DLGAP1: variants seen among roughly 807,000 people sequenced by gnomAD.
The protein encoded by DLGAP1 is DLG associated protein 1.
In DLGAP1, 11 loss-of-function variants were observed where a neutral mutation model predicts 90.8. The ratio of observed to expected loss-of-function variants is 0.12; its 90% CI spans 0.08 to 0.20. The LOEUF (loss-of-function observed/expected upper bound fraction) is 0.20, where lower values mean the gene tolerates loss of function less well. Ranked by LOEUF, DLGAP1 falls within the 10% of genes least tolerant of loss-of-function variation. The pLI is 1.00. For synonymous variants in DLGAP1, 558 were observed against 540.7 expected (o/e 1.03, Z -0.44); for missense variants, 1,050 against 1,333.8 (o/e 0.79, Z 3.31).
intron 7 of DLGAP1, chr18:3,593,585 T>G (rs1209640079): frequency 2.0e-5 from 3 of 152,098 alleles, no homozygotes; most frequent in Non-Finnish European, 2.9e-5. Context: ...CTTGTGTGTG[T>G]GTGTAAGGGG....
At chr18:4,203,342 T>C (rs2077648703) in intron 1 of DLGAP1, among the ~76,000 whole-genome samples, 1 of 152,122 alleles carries the variant, frequency 6.6e-6, no homozygotes. Flanking sequence ...TACTCTCTAG[T>C]TGCAAGAATG....
intron 1 of DLGAP1, among the ~76,000 whole-genome samples, chr18:4,444,151 G>A (rs1282333652): frequency 1.3e-5 from 2 of 152,200 alleles, no homozygotes; most frequent in African/African-American, 4.8e-5. Flanking sequence ...CTAACTTAGA[G>A]CCCACTGTGA....
intron 1 of DLGAP1, among the ~76,000 whole-genome samples, chr18:4,204,360 A>G (rs944523800): frequency 6.6e-6 from 1 of 152,230 alleles, no homozygotes. Flanking sequence ...AAAAGGTGGG[A>G]ATCTTGCCAA....
chr18:3,609,534 C>G (rs571001517), intron 7 of DLGAP1, among the ~76,000 whole-genome samples: 5 of 152,294 alleles, frequency 3.3e-5, no homozygotes, highest in Admixed American at 2.0e-4. Flanking sequence ...TCCTGACCTG[C>G]CAGTTACAAG....
At chr18:4,094,190 CAA>C (rs2075634396) in intron 2 of DLGAP1, among the ~76,000 whole-genome samples, 1 of 152,058 alleles carries the variant, frequency 6.6e-6, no homozygotes, top group Non-Finnish European at 1.5e-5. Context: ...GACATTAATT[CAA>C]AGAGATTTTT....
At chr18:4,439,552 TC>T (rs1267254913) in intron 1 of DLGAP1, among the ~76,000 whole-genome samples, 1 of 152,128 alleles carries the variant, frequency 6.6e-6, no homozygotes, top group Non-Finnish European at 1.5e-5. Flanking sequence ...ATGCCTGTAA[TC>T]CCAGAATTTT....
At chr18:3,900,008 A>G (rs2071746800) in intron 3 of DLGAP1, among the ~76,000 whole-genome samples, 1 of 152,262 alleles carries the variant, frequency 6.6e-6, no homozygotes, top group East Asian at 1.9e-4. Context: ...AACAAAACCA[A>G]AAACAAACAA....
chr18:3,508,907 G>A (rs150239405), intron 10 of DLGAP1, among the ~76,000 whole-genome samples: 9 of 151,940 alleles, frequency 5.9e-5, no homozygotes, highest in African/African-American at 2.2e-4. Flanking sequence ...CATATTTCTT[G>A]GGAGCAATGG....
chr18:3,870,474 G>A (rs181186496), intron 4 of DLGAP1, among the ~76,000 whole-genome samples: 28 of 152,154 alleles, frequency 1.8e-4, no homozygotes, highest in African/African-American at 6.3e-4. Flanking sequence ...AGCTTTTAGC[G>A]TATGTATCCT....
At chr18:3,636,018 G>C (rs2058701434) in intron 7 of DLGAP1, among the ~76,000 whole-genome samples, 1 of 151,486 alleles carries the variant, frequency 6.6e-6, no homozygotes, top group Non-Finnish European at 1.5e-5. Flanking sequence ...TCCTTGAGGG[G>C]ATTTTGACAG....
At chr18:3,582,931 T>C (rs1411424275) in intron 7 of DLGAP1, among the ~76,000 whole-genome samples, 2 of 148,792 alleles carry the variant, frequency 1.3e-5, no homozygotes, top group Admixed American at 1.4e-4. Context: ...AAAATATTTT[T>C]AAAAAATAGA....
intron 4 of DLGAP1, among the ~76,000 whole-genome samples, chr18:3,822,388 C>T (rs1366576697): frequency 6.6e-6 from 1 of 152,146 alleles, no homozygotes; most frequent in Non-Finnish European, 1.5e-5. Context: ...ACAGTATCTG[C>T]AGGGTACCCA....
intron 3 of DLGAP1, among the ~76,000 whole-genome samples, chr18:3,954,485 T>C (rs2073047212): frequency 6.6e-6 from 1 of 152,240 alleles, no homozygotes; most frequent in African/African-American, 2.4e-5. Context: ...ATATTTTTAC[T>C]AGTAAGTAAA....
intron 4 of DLGAP1, among the ~76,000 whole-genome samples, chr18:3,828,595 A>G (rs2067853314): frequency 7.1e-6 from 1 of 140,724 alleles, no homozygotes; most frequent in Non-Finnish European, 1.5e-5. Flanking sequence ...AGTTGTGATC[A>G]GGCCACTGCA....
At chr18:3,870,641 TATCTATCTATCA>T (rs2070695708) in intron 4 of DLGAP1, among the ~76,000 whole-genome samples, 1 of 151,524 alleles carries the variant, frequency 6.6e-6, no homozygotes, top group Admixed American at 6.6e-5. Context: ...TCTATCTATC[TATCTATCTATCA>T]AATAAAGTTT....
intron 2 of DLGAP1, among the ~76,000 whole-genome samples, chr18:4,010,513 G>A (rs924386954): frequency 7.2e-5 from 11 of 152,176 alleles, no homozygotes; most frequent in East Asian, 1.9e-4. Context: ...GCGTCACTGC[G>A]CTCCAGCCTG....
intron 1 of DLGAP1, among the ~76,000 whole-genome samples, chr18:4,304,839 G>A (rs1282447627): frequency 6.6e-6 from 1 of 151,926 alleles, no homozygotes; most frequent in Non-Finnish European, 1.5e-5. Context: ...GCTGAGGCAG[G>A]AGAATCGCTT....
chr18:3,987,526 T>A (rs1249956002), intron 3 of DLGAP1, among the ~76,000 whole-genome samples: 2 of 152,230 alleles, frequency 1.3e-5, no homozygotes, highest in African/African-American at 2.4e-5. Flanking sequence ...TCGTTCCAAG[T>A]GCTTTGCGTA....
intron 7 of DLGAP1, among the ~76,000 whole-genome samples, chr18:3,613,054 T>C (rs2057705916): frequency 6.6e-6 from 1 of 152,132 alleles, no homozygotes; most frequent in South Asian, 2.1e-4. Context: ...TGTTGGTTAG[T>C]CTTGAACTCC....
Sources: gnomAD v4.1 joint callset for allele counts (sites outside exome capture counted in the v4.1 genomes callset) on GRCh38, gnomAD v4.1.1 for gene constraint, MANE v1.5 for transcripts, NCBI Gene and HGNC (gene_info 2026-07-23, HGNC 2026-07-21) for gene names.